MTMR3: variants seen among roughly 807,000 people sequenced by gnomAD.
MTMR3 encodes the protein phosphatidylinositol-3,5-bisphosphate 3-phosphatase MTMR3.
In MTMR3, 32 loss-of-function variants were observed where a neutral mutation model predicts 132.4. The observed-to-expected ratio is 0.24, with a 90% CI of 0.18 to 0.32. The LOEUF (loss-of-function observed/expected upper bound fraction) is 0.32. Among genes scored for constraint, MTMR3 ranks in the 10% least tolerant of loss-of-function variants. The pLI is 1.00. For synonymous variants in MTMR3, 556 were observed against 550.3 expected, an observed-to-expected ratio of 1.01 and a Z score of -0.14; for missense variants, 1,216 against 1,489.6, an observed-to-expected ratio of 0.82 and a Z score of 3.02.
At chr22:30,024,132 T>C (rs2067842515) in intron 19 of MTMR3, 1 of 152,232 alleles carries the variant, frequency 6.6e-6, no homozygotes, top group Non-Finnish European at 1.5e-5. Context: ...CCATCTTTAC[T>C]AAAAATACAA....
rs576015024 is a variant in MTMR3, at chr22:29,910,359, G to A, written c.-138+27000G>A. Among the ~76,000 whole-genome samples the A allele has an allele frequency of 2.0e-5, 3 of 152,314 alleles. No homozygotes were observed. The East Asian group carries it at 5.8e-4, about 29-fold the overall frequency. On this transcript the variant is annotated intron_variant, in intron 1 of 19. Transcript: ENST00000401950. The stretch of plus-strand genomic sequence containing the variant: ...TGGTAGTAAACTGATCAGTTAAAGT[G>A]ATGGATCAGCAAAGATTTGGGGGTT...
chr22:29,920,593 C>T (rs1253942669), intron 1 of MTMR3, among the ~76,000 whole-genome samples: 1 of 152,112 alleles, frequency 6.6e-6, no homozygotes, highest in Non-Finnish European at 1.5e-5. Context: ...GCTATTTAAA[C>T]TTTTTGGATG....
chr22:30,024,703 G>T (rs1031844471), intron 19 of MTMR3: 1 of 152,198 alleles, frequency 6.6e-6, no homozygotes, highest in Non-Finnish European at 1.5e-5. Context: ...GGAGCTTCTT[G>T]TTCTTAGGCT....
intron 1 of MTMR3, among the ~76,000 whole-genome samples, chr22:29,924,238 A>C (rs972392864): frequency 7.2e-5 from 11 of 152,226 alleles, no homozygotes; most frequent in African/African-American, 2.7e-4. Context: ...AGTTAATTAC[A>C]TATAGTCTAA....
intron 10 of MTMR3, 111 bp downstream of exon 10, chr22:30,007,430 G>GC (rs2067296097): frequency 9.4e-7 from 1 of 1,065,040 alleles, no homozygotes; most frequent in African/African-American, 1.6e-5. Flanking sequence ...AAGTGAATGT[G>GC]CAGAGCTTCA....
chr22:30,017,696 AT>A, intron 15 of MTMR3: 1 of 477,622 alleles, frequency 2.1e-6, no homozygotes, highest in African/African-American at 2.0e-5. Context: ...AATATTTTAT[AT>A]TTTCATGCTC....
intron 1 of MTMR3, among the ~76,000 whole-genome samples, chr22:29,946,618 G>A (rs1031679005): frequency 2.0e-5 from 3 of 152,120 alleles, no homozygotes; most frequent in African/African-American, 7.2e-5. Context: ...TGAAGAATTT[G>A]TATTAGTATT....
At chr22:29,957,277 C>A (rs552207671) in intron 2 of MTMR3, among the ~76,000 whole-genome samples, 189 bp downstream of exon 2, 1 of 138,582 alleles carries the variant, frequency 7.2e-6, no homozygotes, top group East Asian at 2.1e-4. Flanking sequence ...TTTTTTTTCA[C>A]TAGGACTCAT....
chr22:29,929,571 G>T (rs935870640), intron 1 of MTMR3, among the ~76,000 whole-genome samples: 3 of 151,374 alleles, frequency 2.0e-5, no homozygotes, highest in Non-Finnish European at 4.4e-5. Flanking sequence ...GTGTAGTGGC[G>T]CAATCTCGGC....
intron 1 of MTMR3, among the ~76,000 whole-genome samples, chr22:29,902,646 C>T (rs1264747618): frequency 2.0e-5 from 3 of 151,956 alleles, no homozygotes; most frequent in East Asian, 1.9e-4. Flanking sequence ...GGATTACAGG[C>T]GTGAGTCACC....
chr22:30,022,844 T>A, intron 19 of MTMR3, 147 bp downstream of exon 19: 1 of 701,962 alleles, frequency 1.4e-6, no homozygotes, highest in Non-Finnish European at 2.4e-6. Context: ...CTGAAATTGG[T>A]GTTTGCAAAA....
chr22:29,926,752 G>A (rs933550871), intron 1 of MTMR3, among the ~76,000 whole-genome samples: 1 of 152,114 alleles, frequency 6.6e-6, no homozygotes, highest in Non-Finnish European at 1.5e-5. Context: ...ATTGTCATGG[G>A]AGTTCTTTAT....
At chr22:30,012,686 T>C (rs1187766507) in intron 13 of MTMR3, 123 bp downstream of exon 13, 3 of 1,058,528 alleles carry the variant, frequency 2.8e-6, no homozygotes, top group Non-Finnish European at 4.1e-6. Flanking sequence ...TTTTGGTCAT[T>C]GTTCCTTTAT....
At position 29,960,581 on chromosome 22, in the gene MTMR3, T is replaced by C. The variant is rs150184213; in HGVS notation, c.-85+3493T>C. 6.0e-4 allele frequency among the ~76,000 whole-genome samples: 91 copies of C among 152,370 alleles called. 2 individuals carry two copies. Among genetic ancestry groups the C allele is most frequent in the Middle Eastern group, 3.4e-3 (1 of 294 alleles). On this transcript the variant is annotated intron_variant, in intron 2 of 19. Transcript: ENST00000401950. ...CCATGTGTTGTCATATGTATGTACA[T>C]GTACATACTAATTTAAAAAGTGCTT...
chr22:29,960,586 A>C (rs910173365), intron 2 of MTMR3, among the ~76,000 whole-genome samples: 1 of 152,230 alleles, frequency 6.6e-6, no homozygotes, highest in African/African-American at 2.4e-5. Flanking sequence ...GTACATGTAC[A>C]TACTAATTTA....
At chr22:29,975,300 A>G (rs1350633067) in intron 3 of MTMR3, among the ~76,000 whole-genome samples, 2 of 152,186 alleles carry the variant, frequency 1.3e-5, no homozygotes, top group African/African-American at 4.8e-5. Flanking sequence ...GTAACAACAA[A>G]CCAATTATAT....
At chr22:29,952,015 A>G (rs1257326287) in intron 1 of MTMR3, among the ~76,000 whole-genome samples, 3 of 150,184 alleles carry the variant, frequency 2.0e-5, no homozygotes, top group East Asian at 4.0e-4. Context: ...TCAGCCTCCT[A>G]GTAGCTGGGA....
intron 1 of MTMR3, among the ~76,000 whole-genome samples, chr22:29,904,334 ACTTAC>A (rs2065055284): frequency 1.3e-5 from 2 of 152,214 alleles, no homozygotes; most frequent in Admixed American, 1.3e-4. Context: ...AGCTGTCAGG[ACTTAC>A]CTGAGGTTGC....
At chr22:29,909,046 A>G (rs188246010) in intron 1 of MTMR3, among the ~76,000 whole-genome samples, 4 of 148,464 alleles carry the variant, frequency 2.7e-5, no homozygotes, top group Admixed American at 6.8e-5. Context: ...GGCACAGTCT[A>G]CTGCAGCCTC....
Sources: gnomAD v4.1 joint callset for allele counts (sites outside exome capture counted in the v4.1 genomes callset) on GRCh38, gnomAD v4.1.1 for gene constraint, MANE v1.5 for transcripts, NCBI Gene and HGNC (gene_info 2026-07-23, HGNC 2026-07-21) for gene names.